CAMTA1: variants seen among roughly 807,000 people sequenced by gnomAD.
CAMTA1 encodes calmodulin binding transcription activator 1.
A neutral mutation model predicts 170.9 loss-of-function variants in CAMTA1; 27 were observed. That is an observed-to-expected ratio of 0.16 (90% CI 0.12 to 0.22). The LOEUF (loss-of-function observed/expected upper bound fraction) is 0.22, where lower values mean the gene tolerates loss of function less well. CAMTA1 is among the 10% of genes least tolerant of loss of function. CAMTA1 has a pLI of 1.00. For synonymous variants in CAMTA1, 833 were observed against 891.5 expected (o/e 0.93, Z 1.17); for missense variants, 1,619 against 2,217.2 (o/e 0.73, Z 5.42).
intron 21 of CAMTA1, among the ~76,000 whole-genome samples, chr1:7,754,075 C>T (rs1254813292): frequency 1.3e-5 from 2 of 152,190 alleles, no homozygotes; most frequent in African/African-American, 4.8e-5. Context: ...TCACCTGGGC[C>T]CTTTTCCTTA....
chr1:7,630,065 T>TC (rs1230771582), intron 6 of CAMTA1, among the ~76,000 whole-genome samples: 1 of 152,086 alleles, frequency 6.6e-6, no homozygotes, highest in Non-Finnish European at 1.5e-5. Flanking sequence ...GGACATGTCT[T>TC]CCCCCGGGTC....
Position 7,736,631 on chromosome 1 carries a change from C to T in CAMTA1, c.3263+91C>T, listed in dbSNP as rs1577299803. The stretch of plus-strand genomic sequence containing the variant: ...ACTGCCACCCGTGGAAGAAATCTAC[C>T]CATTCAGTCCACTTTATAGCCGGCG... On this transcript the variant is annotated intron_variant, in intron 13 of 22. Transcript: ENST00000303635. This position sits in a 1 kb window ranked among gnomAD's most constrained non-coding sequence, Gnocchi z 4.5. The T allele has an allele frequency of 7.9e-7, 1 of 1,266,062 alleles. No homozygotes were observed. The highest frequency in any genetic ancestry group is 2.3e-5 in the East Asian group (1 of 42,946). The allele number at this position is 1,266,062 out of a possible 1,614,324, so 78.4% of individuals were successfully genotyped here.
chr1:7,622,554 A>G (rs1433053291), intron 6 of CAMTA1, among the ~76,000 whole-genome samples: 1 of 152,230 alleles, frequency 6.6e-6, no homozygotes, highest in African/African-American at 2.4e-5. Flanking sequence ...CTTTCGGAGT[A>G]AGCCTTCCAC....
At chr1:6,827,810 G>A (rs1217216812) in intron 3 of CAMTA1, among the ~76,000 whole-genome samples, 1 of 152,122 alleles carries the variant, frequency 6.6e-6, no homozygotes, top group Non-Finnish European at 1.5e-5. Context: ...TAGTCAGACT[G>A]CCCTTATTAA....
intron 3 of CAMTA1, among the ~76,000 whole-genome samples, chr1:7,078,424 C>T (rs1639595033): frequency 6.6e-6 from 1 of 152,198 alleles, no homozygotes; most frequent in Non-Finnish European, 1.5e-5. Context: ...CGTCTTCAGA[C>T]ACTCTCTCTC....
intron 3 of CAMTA1, among the ~76,000 whole-genome samples, chr1:7,079,110 G>A (rs571101195): frequency 2.0e-5 from 3 of 152,300 alleles, no homozygotes; most frequent in East Asian, 1.9e-4. Flanking sequence ...TGACCAGCCC[G>A]ACTGGGGAGC....
chr1:7,391,516 G>A (rs1480783301), intron 5 of CAMTA1, among the ~76,000 whole-genome samples: 6 of 152,080 alleles, frequency 3.9e-5, no homozygotes, highest in African/African-American at 1.2e-4. Context: ...ATTAACATAT[G>A]GTAAAAATTC....
chr1:7,403,225 G>T (rs1457889896), intron 5 of CAMTA1, among the ~76,000 whole-genome samples: 1 of 152,078 alleles, frequency 6.6e-6, no homozygotes, highest in African/African-American at 2.4e-5. Context: ...GTGATGACGG[G>T]TGCCTGTAAT....
chr1:7,243,610 A>G (rs1197649901), intron 4 of CAMTA1, among the ~76,000 whole-genome samples: 3 of 152,214 alleles, frequency 2.0e-5, no homozygotes, highest in Non-Finnish European at 4.4e-5. Flanking sequence ...TACCAGTACC[A>G]TGCTGTTTTG....
chr1:7,172,332 TAG>T (rs1196593373), intron 4 of CAMTA1, among the ~76,000 whole-genome samples: 2 of 152,190 alleles, frequency 1.3e-5, no homozygotes, highest in African/African-American at 4.8e-5. Context: ...GTATTTTTAG[TAG>T]AGACAGGGTT....
At chr1:7,156,469 A>T (rs1646892701) in intron 4 of CAMTA1, among the ~76,000 whole-genome samples, 1 of 152,148 alleles carries the variant, frequency 6.6e-6, no homozygotes, top group South Asian at 2.1e-4. Context: ...CTCATCAGGG[A>T]GGTGATGTCT....
chr1:7,559,802 C>T (rs2094933183), intron 6 of CAMTA1, among the ~76,000 whole-genome samples: 1 of 151,998 alleles, frequency 6.6e-6, no homozygotes, highest in East Asian at 2.0e-4. Flanking sequence ...GAGCATCCTC[C>T]TCCCTAGATC....
intron 3 of CAMTA1, among the ~76,000 whole-genome samples, chr1:7,068,519 C>G (rs2101848546): frequency 6.6e-6 from 1 of 152,240 alleles, no homozygotes; most frequent in East Asian, 1.9e-4. Flanking sequence ...TTGGGCCAGG[C>G]AGACCACGAT....
At chr1:7,394,978 G>A (rs934300970) in intron 5 of CAMTA1, among the ~76,000 whole-genome samples, 10 of 151,990 alleles carry the variant, frequency 6.6e-5, no homozygotes, top group Non-Finnish European at 1.3e-4. Flanking sequence ...TGCCTCCTGG[G>A]TTCAAGCTAT....
intron 5 of CAMTA1, among the ~76,000 whole-genome samples, chr1:7,307,087 A>ATT (rs1675708202): frequency 6.6e-6 from 1 of 151,898 alleles, no homozygotes; most frequent in South Asian, 2.1e-4. Flanking sequence ...GGACAACCAT[A>ATT]TATCTCTCCA....
intron 6 of CAMTA1, among the ~76,000 whole-genome samples, chr1:7,586,439 C>G (rs1388012187): frequency 6.6e-6 from 1 of 152,164 alleles, no homozygotes; most frequent in African/African-American, 2.4e-5. Context: ...GCCTGGAGTT[C>G]TAAACCCTGC....
intron 6 of CAMTA1, among the ~76,000 whole-genome samples, chr1:7,573,553 A>G (rs2003397): frequency 0.15 from 22,834 of 152,194 alleles, 5,567 homozygotes; most frequent in African/African-American, 0.51. Flanking sequence ...CCACAGCGCC[A>G]GCAGGGCCAG....
intron 3 of CAMTA1, among the ~76,000 whole-genome samples, chr1:6,956,330 G>A (rs1689452754): frequency 6.6e-6 from 1 of 152,170 alleles, no homozygotes; most frequent in Admixed American, 6.5e-5. Context: ...CAACCTCAGA[G>A]GCTGATGGGG....
At chr1:6,955,267 G>T (rs557949221) in intron 3 of CAMTA1, among the ~76,000 whole-genome samples, 5 of 152,190 alleles carry the variant, frequency 3.3e-5, no homozygotes, top group African/African-American at 1.2e-4. Flanking sequence ...TGTCAGCACT[G>T]GGCGTGCACC....
Sources: allele counts gnomAD v4.1 joint callset (sites outside exome capture counted in the v4.1 genomes callset), GRCh38; gene constraint gnomAD v4.1.1; non-coding constraint Gnocchi (gnomAD v3.1); transcripts MANE v1.5; gene names NCBI Gene and HGNC (gene_info 2026-07-23, HGNC 2026-07-21).